Variants in ZEB1 observed in about 807,000 individuals in gnomAD.
ZEB1 encodes zinc finger E-box-binding homeobox 1.
A neutral mutation model predicts 84.9 loss-of-function variants in ZEB1; 21 were observed. That is an observed-to-expected ratio of 0.25 (90% CI 0.18 to 0.36). The LOEUF (loss-of-function observed/expected upper bound fraction) is 0.36, where lower values mean the gene tolerates loss of function less well. Ranked by LOEUF, ZEB1 falls within the 10% of genes least tolerant of loss-of-function variation. ZEB1 has a pLI of 1.00. For missense variants in ZEB1, 1,104 were observed against 1,330.2 expected, an observed-to-expected ratio of 0.83 and a Z score of 2.65; for synonymous variants, 420 against 471.1, an observed-to-expected ratio of 0.89 and a Z score of 1.41.
At chr10:31,359,902 T>C (rs2134051481) in intron 1 of ZEB1, among the ~76,000 whole-genome samples, 1 of 152,328 alleles carries the variant, frequency 6.6e-6, no homozygotes, top group Admixed American at 6.5e-5. Flanking sequence ...AGGAAGACAC[T>C]GCCTCAGGGC....
chr10:31,515,423 T>A (rs1459401021), intron 6 of ZEB1, among the ~76,000 whole-genome samples: 1 of 152,072 alleles, frequency 6.6e-6, no homozygotes, highest in Non-Finnish European at 1.5e-5. Context: ...TCTGTTCATC[T>A]CCTGATAAAT....
At chr10:31,322,925 A>G (rs866677093) in intron 1 of ZEB1, among the ~76,000 whole-genome samples, 1 of 152,170 alleles carries the variant, frequency 6.6e-6, no homozygotes, top group Non-Finnish European at 1.5e-5. Flanking sequence ...TGGTAGCATC[A>G]TAAGTCTCTC....
chr10:31,319,168 G>C, upstream of ZEB1: 1 of 1,128,712 alleles, frequency 8.9e-7, no homozygotes, highest in Non-Finnish European at 1.3e-6. Context: ...GGAGGCGGAG[G>C]GGTGGGGGGG....
intron 1 of ZEB1, among the ~76,000 whole-genome samples, chr10:31,449,240 C>T (rs2060220967): frequency 1.3e-5 from 2 of 152,374 alleles, no homozygotes; most frequent in Middle Eastern, 3.4e-3. Flanking sequence ...TTGCGCTTCC[C>T]AGGTGAGGCA....
Position 31,481,687 on chromosome 10 carries a change from TGA to T in ZEB1, c.260-14085_260-14084del, listed in dbSNP as rs1365266275. Among the ~76,000 whole-genome samples the T allele has an allele frequency of 4.6e-5, 7 of 151,986 alleles. No homozygotes were observed. The South Asian group carries it at 1.2e-3, about 27-fold the overall frequency. ...AATGAATGACTAAATGAATGAATGA[TGA>T]GAGCATGTCAAAAAAACACAGGAGC... is the stretch of plus-strand genomic sequence containing the variant. On this transcript the variant is annotated intron_variant, in intron 2 of 8. Transcript: ENST00000424869.
intron 1 of ZEB1, among the ~76,000 whole-genome samples, chr10:31,346,729 G>T (rs908161806): frequency 3.9e-5 from 6 of 151,974 alleles, no homozygotes; most frequent in Non-Finnish European, 8.8e-5. Context: ...CTTTAGTCTG[G>T]TTGTTCTTAT....
Position 31,521,917 on chromosome 10 carries a change from T to C in ZEB1, c.2585T>C (p.Ile862Thr). The change falls in exon 7 of 9, where the codon ATC becomes ACC. Residue 862 changes from isoleucine (I) to threonine (T), a missense_variant. This residue lies in a region of ZEB1 where 531 missense variants were observed against 575.2 expected (regional missense o/e 0.92). Coordinates refer to ENST00000424869, the MANE Select transcript of ZEB1 (RefSeq NM_001174096.2). ...PAVQEPPLKV[I>T]QPNGNQDERQ... ...GTCCAAGAACCACCCTTGAAAGTGA[T>C]CCAGCCAAATGGAAATCAGGTAAAA... 1 of 1,614,044 alleles carries C rather than the reference T, an allele frequency of 6.2e-7. No individual in the cohort carries two copies. The highest frequency in any genetic ancestry group is 8.5e-7 in the Non-Finnish European group (1 of 1,179,968).
At chr10:31,488,280 C>T (rs1162233953) in intron 2 of ZEB1, among the ~76,000 whole-genome samples, 1 of 151,064 alleles carries the variant, frequency 6.6e-6, no homozygotes, top group Non-Finnish European at 1.5e-5. Context: ...TTGTATTCAT[C>T]TTGGATGTGT....
At chr10:31,324,657 T>A (rs2035055929) in intron 1 of ZEB1, among the ~76,000 whole-genome samples, 1 of 152,072 alleles carries the variant, frequency 6.6e-6, no homozygotes, top group Admixed American at 6.5e-5. Context: ...CTAATTTATG[T>A]GGAAATGCAT....
At chr10:31,397,960 T>G (rs2051126555) in intron 1 of ZEB1, among the ~76,000 whole-genome samples, 1 of 152,222 alleles carries the variant, frequency 6.6e-6, no homozygotes, top group African/African-American at 2.4e-5. Context: ...CAAAGTTGAC[T>G]GAATAAGATA....
chr10:31,357,384 G>C (rs2042290410), intron 1 of ZEB1, among the ~76,000 whole-genome samples: 1 of 152,144 alleles, frequency 6.6e-6, no homozygotes, highest in Non-Finnish European at 1.5e-5. Context: ...GTTGTGAGCA[G>C]AGTACAGCAG....
At position 31,458,312 on chromosome 10, in the gene ZEB1, CGTGT is replaced by C. The variant is rs775810348; in HGVS notation, c.59-2704_59-2701del. On this transcript the variant is annotated intron_variant, in intron 1 of 8. Transcript: ENST00000424869. The stretch of plus-strand genomic sequence containing the variant: ...CATTTGCCAGTAAGCATCTCCATTC[CGTGT>C]GTGTGTGTGTGTGTGTGTGTTGTGT... Among the ~76,000 whole-genome samples, 321 of 123,094 alleles carry C rather than the reference CGTGT, an allele frequency of 2.6e-3. 2 individuals carry two copies. The highest frequency in any genetic ancestry group is 3.5e-3 in the Non-Finnish European group (231 of 65,398). The allele number at this position is 123,094 out of a possible 152,430, so 80.8% of individuals were successfully genotyped here. A position where few individuals can be genotyped will look rare whatever the true frequency, so the allele number is the denominator to read the frequency against.
chr10:31,358,013 T>TA (rs2042387370), intron 1 of ZEB1: 1 of 152,202 alleles, frequency 6.6e-6, no homozygotes, highest in Admixed American at 6.5e-5. Context: ...GAGAAGTCCT[T>TA]ATGCACTCCT....
intron 1 of ZEB1, among the ~76,000 whole-genome samples, chr10:31,445,337 G>C (rs1341880619): frequency 1.3e-5 from 2 of 149,282 alleles, no homozygotes; most frequent in Non-Finnish European, 2.9e-5. Context: ...GGGTTTTCTA[G>C]ATATACAATC....
At chr10:31,404,987 G>A (rs1234095715) in intron 1 of ZEB1, among the ~76,000 whole-genome samples, 1 of 152,068 alleles carries the variant, frequency 6.6e-6, no homozygotes, top group Non-Finnish European at 1.5e-5. Flanking sequence ...CTGCTATGTT[G>A]AAATTCTTAA....
intron 2 of ZEB1, among the ~76,000 whole-genome samples, chr10:31,469,909 AC>A: frequency 6.6e-6 from 1 of 152,234 alleles, no homozygotes; most frequent in East Asian, 1.9e-4. Flanking sequence ...CTGACCCCTA[AC>A]CCCCGAGCAG....
chr10:31,397,049 T>C (rs1347666628), intron 1 of ZEB1, among the ~76,000 whole-genome samples: 1 of 148,856 alleles, frequency 6.7e-6, no homozygotes, highest in East Asian at 1.9e-4. Flanking sequence ...GGAGTCTCGC[T>C]CTGTCACCCA....
intron 1 of ZEB1, among the ~76,000 whole-genome samples, chr10:31,451,205 G>A (rs1395231210): frequency 1.3e-5 from 2 of 151,992 alleles, no homozygotes; most frequent in East Asian, 1.9e-4. Context: ...TTTTCATCTA[G>A]GTTTTCAAAT....
intron 1 of ZEB1, among the ~76,000 whole-genome samples, chr10:31,399,206 G>T (rs573944544): frequency 3.2e-4 from 48 of 152,020 alleles, no homozygotes; most frequent in African/African-American, 1.1e-3. Context: ...TGTCGGCCCG[G>T]CTGGTTTTGA....
Sources: gnomAD v4.1 joint callset for allele counts (sites outside exome capture counted in the v4.1 genomes callset) on GRCh38, gnomAD v4.1.1 for gene constraint, gnomAD v4.1.1 regional missense constraint, MANE v1.5 for transcripts, NCBI Gene and HGNC (gene_info 2026-07-23, HGNC 2026-07-21) for gene names.